The following ATRNL1 variants were observed in gnomAD, a reference collection of about 807,000 sequenced individuals.
ATRNL1 encodes the protein attractin-like protein 1.
In ATRNL1, 95 loss-of-function variants were observed where a neutral mutation model predicts 182.7. The ratio of observed to expected loss-of-function variants is 0.52; its 90% CI spans 0.44 to 0.62. The LOEUF (loss-of-function observed/expected upper bound fraction) is 0.62. ATRNL1 is among the 20% of genes least tolerant of loss of function. The pLI, the probability that ATRNL1 is intolerant of heterozygous loss-of-function variation, is 0.00. For missense variants in ATRNL1, 1,471 were observed against 1,679.5 expected (o/e 0.88, Z 2.17); for synonymous variants, 576 against 568.3 (o/e 1.01, Z -0.19).
chr10:115,448,993 G>A (rs910729029), intron 21 of ATRNL1, among the ~76,000 whole-genome samples: 3 of 152,158 alleles, frequency 2.0e-5, no homozygotes, highest in Non-Finnish European at 4.4e-5. Flanking sequence ...GAGGAGAAGG[G>A]ACCCCTCCCC....
At chr10:115,641,780 G>C (rs7083621) in intron 26 of ATRNL1, among the ~76,000 whole-genome samples, 103 of 151,716 alleles carry the variant, frequency 6.8e-4, no homozygotes, top group Admixed American at 2.1e-3. Context: ...ATATTCAGTC[G>C]TATCTATTGA....
intron 27 of ATRNL1, among the ~76,000 whole-genome samples, chr10:115,753,437 G>A (rs782520112): frequency 3.9e-5 from 6 of 152,012 alleles, no homozygotes; most frequent in East Asian, 1.9e-4. Context: ...TTGGTTTTCC[G>A]TTCTCGTGTT....
intron 13 of ATRNL1, among the ~76,000 whole-genome samples, chr10:115,270,373 A>T (rs1014365483): frequency 6.0e-4 from 11 of 18,390 alleles, no homozygotes; most frequent in African/African-American, 1.5e-3. Context: ...ATATAAATCT[A>T]TTATATAATA....
chr10:115,239,959 A>T (rs572847835), intron 9 of ATRNL1, among the ~76,000 whole-genome samples: 2 of 152,210 alleles, frequency 1.3e-5, no homozygotes, highest in African/African-American at 4.8e-5. Context: ...TTGAGGGATG[A>T]AGGAGCCTTA....
intron 26 of ATRNL1, among the ~76,000 whole-genome samples, chr10:115,679,204 TG>T (rs1207043892): frequency 6.6e-6 from 1 of 152,156 alleles, no homozygotes; most frequent in Non-Finnish European, 1.5e-5. Flanking sequence ...ATGCCTTACT[TG>T]GGGGCTTCAG....
At chr10:115,323,652 C>A (rs1387989184) in intron 18 of ATRNL1, among the ~76,000 whole-genome samples, 1 of 152,008 alleles carries the variant, frequency 6.6e-6, no homozygotes, top group Admixed American at 6.6e-5. Flanking sequence ...CTGTGTTGGC[C>A]AGGCTGTCCT....
intron 25 of ATRNL1, among the ~76,000 whole-genome samples, chr10:115,547,724 A>T (rs1389636848): frequency 1.3e-5 from 2 of 152,202 alleles, no homozygotes; most frequent in African/African-American, 4.8e-5. Context: ...AGTATTCAGG[A>T]GAGAGTTTTA....
intron 27 of ATRNL1, among the ~76,000 whole-genome samples, chr10:115,747,174 T>C (rs1435505489): frequency 1.3e-5 from 2 of 152,100 alleles, no homozygotes; most frequent in African/African-American, 4.8e-5. Context: ...CTGCAGCCTT[T>C]TCTTATTGTG....
At chr10:115,672,954 A>G (rs2133932394) in intron 26 of ATRNL1, among the ~76,000 whole-genome samples, 1 of 152,184 alleles carries the variant, frequency 6.6e-6, no homozygotes, top group East Asian at 1.9e-4. Context: ...AACTTAGTTC[A>G]TTGCCAAATC....
intron 28 of ATRNL1, among the ~76,000 whole-genome samples, chr10:115,935,925 C>A (rs1953542882): frequency 6.6e-6 from 1 of 152,142 alleles, no homozygotes; most frequent in African/African-American, 2.4e-5. Context: ...TCCTCATGGG[C>A]AAATTCTCAA....
intron 2 of ATRNL1, 35 bp from the exon 3 acceptor site, chr10:115,121,664 T>C: frequency 1.0e-6 from 1 of 988,700 alleles, no homozygotes; most frequent in South Asian, 1.7e-5. Flanking sequence ...GCTTTGTATA[T>C]TTTAATTTGA....
intron 24 of ATRNL1, among the ~76,000 whole-genome samples, chr10:115,479,186 G>T (rs11197234): frequency 0.41 from 61,927 of 150,870 alleles, 13,403 homozygotes; most frequent in Middle Eastern, 0.5. Flanking sequence ...TGTTAATACT[G>T]TACCAAATTT....
rs1302854204 is a variant in ATRNL1, at chr10:115,249,015, A to AT, written c.1687+7299dup. Among the ~76,000 whole-genome samples, 248 of 150,764 alleles carry AT rather than the reference A, an allele frequency of 1.6e-3. 1 individual carries two copies. Among genetic ancestry groups the AT allele is most frequent in the African/African-American group, 5.6e-3 (230 of 41,080 alleles). On this transcript the variant is annotated intron_variant, in intron 10 of 28. Transcript: ENST00000355044. ...TTAAGTGAAACAGTAAAAGATTTTT[A>AT]TTTTTTTTTGAGTTGGAGTGCAATG...
rs551832707 is a variant in ATRNL1, at chr10:115,310,350, A to G, written c.2819-5168A>G. Reference sequence around the variant, plus strand: ...TTGCTGTCAGTGTGATACTGGCTTCATAGAATGAGTTAGGAAAAATTTCCT... The same window carrying G: ...TTGCTGTCAGTGTGATACTGGCTTCGTAGAATGAGTTAGGAAAAATTTCCT... On this transcript the variant is annotated intron_variant, in intron 17 of 28. Coordinates refer to ENST00000355044, the MANE Select transcript of ATRNL1 (RefSeq NM_207303.4). 3.5e-4 allele frequency among the ~76,000 whole-genome samples: 53 copies of G among 152,178 alleles called. No homozygotes were observed. In the South Asian group the frequency reaches 5.6e-3, roughly 16 times the overall value.
At chr10:115,689,426 C>T (rs533914077) in intron 26 of ATRNL1, among the ~76,000 whole-genome samples, 43 of 152,216 alleles carry the variant, frequency 2.8e-4, no homozygotes, top group African/African-American at 8.4e-4. Context: ...TTTTGTGTCC[C>T]GCAAAACAAA....
At chr10:115,265,311 C>A in intron 11 of ATRNL1, 34 bp downstream of exon 11, 6 of 1,319,498 alleles carry the variant, frequency 4.5e-6, no homozygotes, top group South Asian at 1.3e-5. Context: ...TTTAGAGGGT[C>A]ACTTATATCA....
intron 28 of ATRNL1, among the ~76,000 whole-genome samples, chr10:115,893,479 T>A (rs1952129991): frequency 6.6e-6 from 1 of 152,224 alleles, no homozygotes; most frequent in Admixed American, 6.5e-5. Flanking sequence ...TGAAATAATA[T>A]ATGACTCAAC....
intron 24 of ATRNL1, among the ~76,000 whole-genome samples, chr10:115,481,236 G>T (rs1285460014): frequency 6.7e-6 from 1 of 149,974 alleles, no homozygotes; most frequent in East Asian, 1.9e-4. Context: ...AATACTATAA[G>T]AATTTTTTCA....
intron 26 of ATRNL1, among the ~76,000 whole-genome samples, chr10:115,559,877 A>C (rs532505773): frequency 6.6e-6 from 1 of 152,216 alleles, no homozygotes. Flanking sequence ...TTTACTGTAT[A>C]TAGTAGTCAG....
Sources: gnomAD v4.1 joint callset for allele counts (sites outside exome capture counted in the v4.1 genomes callset) on GRCh38, gnomAD v4.1.1 for gene constraint, MANE v1.5 for transcripts, NCBI Gene and HGNC (gene_info 2026-07-23, HGNC 2026-07-21) for gene names.